Variants in DIP2C observed in about 807,000 individuals in gnomAD.
DIP2C encodes DIP2 acetate--CoA ligase C (putative).
In DIP2C, 33 loss-of-function variants were observed where a neutral mutation model predicts 192.4. The observed-to-expected ratio is 0.17, with a 90% confidence interval of 0.13 to 0.23. The LOEUF (loss-of-function observed/expected upper bound fraction) is 0.23. DIP2C is among the 10% of genes least tolerant of loss of function. DIP2C has a pLI of 1.00. For synonymous variants in DIP2C, 979 were observed against 864.1 expected (o/e 1.13, Z -2.33); for missense variants, 1,537 against 2,110.1 (o/e 0.73, Z 5.32).
chr10:673,254 T>C (rs993023387), intron 1 of DIP2C, among the ~76,000 whole-genome samples: 1 of 152,132 alleles, frequency 6.6e-6, no homozygotes, highest in Admixed American at 6.5e-5. Context: ...GAATAGAAAA[T>C]GTTCCAGGAA....
At chr10:536,085 G>A (rs886873491) in intron 1 of DIP2C, among the ~76,000 whole-genome samples, 4 of 152,170 alleles carry the variant, frequency 2.6e-5, no homozygotes, top group African/African-American at 4.8e-5. Context: ...CCCAGTCTGG[G>A]AGCCAGAAGT....
chr10:445,188 T>C (rs979013248), intron 3 of DIP2C, among the ~76,000 whole-genome samples: 2 of 152,174 alleles, frequency 1.3e-5, no homozygotes, highest in Non-Finnish European at 2.9e-5. Context: ...TCTGTATACA[T>C]CTGTTGTGAA....
At chr10:397,090 G>A (rs1054280625) in intron 10 of DIP2C, among the ~76,000 whole-genome samples, 4 of 152,192 alleles carry the variant, frequency 2.6e-5, no homozygotes, top group Non-Finnish European at 4.4e-5. Flanking sequence ...AGATACCCAC[G>A]TGGCAGATGG....
At chr10:326,122 G>A (rs1366507552) in intron 31 of DIP2C, among the ~76,000 whole-genome samples, 2 of 152,228 alleles carry the variant, frequency 1.3e-5, no homozygotes, top group African/African-American at 4.8e-5. Context: ...GGGGGGCAGG[G>A]GGTTGAGGCT....
At chr10:377,880 C>T (rs1224271520) in intron 17 of DIP2C, among the ~76,000 whole-genome samples, 2 of 152,118 alleles carry the variant, frequency 1.3e-5, no homozygotes, top group Admixed American at 6.5e-5. Flanking sequence ...TTTGCATTTT[C>T]ATTACTAAAA....
chr10:670,859 T>A (rs1830598898), intron 1 of DIP2C, among the ~76,000 whole-genome samples: 1 of 152,226 alleles, frequency 6.6e-6, no homozygotes, highest in African/African-American at 2.4e-5. Context: ...TGGCTGGTAA[T>A]TAATTGTTAT....
chr10:363,715 A>G lies in DIP2C; in HGVS notation c.2478-404T>C, dbSNP rs1959828068. Among the ~76,000 whole-genome samples, 1 of 152,096 alleles carries G rather than the reference A, an allele frequency of 6.6e-6. No homozygotes were observed. The highest frequency in any genetic ancestry group is 2.1e-4 in the South Asian group (1 of 4,816). The stretch of plus-strand genomic sequence containing the variant: ...GAAATTTGCCGTTTCAGAACTAGTG[A>G]TTTTCTGCTAAGTGTATGTGCCTTA... On this transcript the variant is annotated intron_variant, in intron 20 of 36. Transcript: ENST00000280886. The surrounding 1 kb of genome is among the most constrained non-coding windows in gnomAD (Gnocchi z 5.4).
At chr10:415,972 T>G in intron 6 of DIP2C, 84 bp from the exon 7 acceptor site, 1 of 1,585,584 alleles carries the variant, frequency 6.3e-7, no homozygotes, top group East Asian at 2.3e-5. Context: ...CACAGCCCCC[T>G]CCCCAGCGCG....
chr10:684,188 T>G (rs996316023), intron 1 of DIP2C, among the ~76,000 whole-genome samples: 1 of 152,238 alleles, frequency 6.6e-6, no homozygotes, highest in African/African-American at 2.4e-5. Flanking sequence ...GTCCACACGT[T>G]CAAAAGCCCA....
At chr10:313,505 G>C (rs975054314) in intron 31 of DIP2C, among the ~76,000 whole-genome samples, 1 of 152,158 alleles carries the variant, frequency 6.6e-6, no homozygotes, top group South Asian at 2.1e-4. Flanking sequence ...GCACAGACTT[G>C]TTGTCATAAT....
chr10:429,536 C>G (rs1197804518), intron 4 of DIP2C, among the ~76,000 whole-genome samples: 1 of 80,282 alleles, frequency 1.2e-5, no homozygotes, highest in Non-Finnish European at 2.4e-5. Flanking sequence ...CTGCCTCCCC[C>G]ACAGACCCTG....
chr10:385,613 T>A (rs1298493459), intron 14 of DIP2C, among the ~76,000 whole-genome samples: 3 of 152,184 alleles, frequency 2.0e-5, no homozygotes, highest in Admixed American at 6.5e-5. Context: ...AGATTACTAC[T>A]TCTGACAAAA....
intron 1 of DIP2C, among the ~76,000 whole-genome samples, chr10:592,066 T>C (rs559295826): frequency 3.7e-4 from 56 of 152,356 alleles, no homozygotes; most frequent in African/African-American, 1.2e-3. Context: ...CATAGCCATG[T>C]GTTCTGGGGT....
chr10:472,600 T>A, intron 2 of DIP2C, 51 bp from the exon 3 acceptor site: 1 of 1,462,704 alleles, frequency 6.8e-7, no homozygotes, highest in Non-Finnish European at 9.4e-7. Context: ...CTCAGCGGAG[T>A]CAGCAGACTC....
At chr10:321,339 C>G (rs989522678) in intron 31 of DIP2C, among the ~76,000 whole-genome samples, 8 of 152,254 alleles carry the variant, frequency 5.3e-5, no homozygotes, top group African/African-American at 1.9e-4. Context: ...GCTCAGCCTT[C>G]CCCGAAGACC....
chr10:539,612 C>A (rs185239470), intron 1 of DIP2C, among the ~76,000 whole-genome samples: 3 of 152,314 alleles, frequency 2.0e-5, no homozygotes, highest in African/African-American at 7.2e-5. Flanking sequence ...TAAATCTAAT[C>A]TTTTGTTAAG....
chr10:315,277 T>C (rs775971497), intron 31 of DIP2C, among the ~76,000 whole-genome samples: 2 of 152,262 alleles, frequency 1.3e-5, no homozygotes, highest in Non-Finnish European at 1.5e-5. Context: ...TGTCTACATA[T>C]TGACAGATTC....
chr10:565,231 C>T lies in DIP2C; in HGVS notation c.86-78701G>A, dbSNP rs78513477. 8.0e-4 allele frequency among the ~76,000 whole-genome samples: 122 copies of T among 152,076 alleles called. 4 individuals are homozygous for T. In the East Asian group the frequency reaches 0.022, roughly 27 times the overall value. On this transcript the variant is annotated intron_variant, in intron 1 of 36. Transcript: ENST00000280886. ...GCGTGAATGTCCTCTCTGTACAAAG[C>T]ATCATGCTGGCATTTGTACATACAC...
intron 1 of DIP2C, among the ~76,000 whole-genome samples, chr10:559,701 C>T (rs1047538933): frequency 1.3e-5 from 2 of 152,154 alleles, no homozygotes; most frequent in South Asian, 2.1e-4. Context: ...CCCTCAGGGT[C>T]ACACAGCAGC....
Sources: allele counts gnomAD v4.1 joint callset (sites outside exome capture counted in the v4.1 genomes callset), GRCh38; gene constraint gnomAD v4.1.1; non-coding constraint Gnocchi (gnomAD v3.1); transcripts MANE v1.5; gene names NCBI Gene and HGNC (gene_info 2026-07-23, HGNC 2026-07-21).